MAST4: variants seen among roughly 807,000 people sequenced by gnomAD.
MAST4 encodes the protein microtubule associated serine/threonine kinase family member 4, also known as microtubule-associated serine/threonine-protein kinase 4.
In MAST4, 89 loss-of-function variants were observed where a neutral mutation model predicts 162.7. The ratio of observed to expected loss-of-function variants is 0.55; its 90% CI spans 0.46 to 0.65. The LOEUF (loss-of-function observed/expected upper bound fraction) is 0.65, where lower values mean the gene tolerates loss of function less well. Ranked by LOEUF, MAST4 falls within the 30% of genes least tolerant of loss-of-function variation. MAST4 has a pLI of 0.00. For synonymous variants in MAST4, 1,479 were observed against 1,361.1 expected (o/e 1.09, Z -1.91); for missense variants, 3,153 against 3,374.0 (o/e 0.93, Z 1.62).
intron 5 of MAST4, among the ~76,000 whole-genome samples, chr5:67,079,095 GT>G (rs957894557): frequency 4.7e-5 from 7 of 150,046 alleles, no homozygotes; most frequent in African/African-American, 1.7e-4. Flanking sequence ...AAGGACCAAA[GT>G]GAAAAGTGCA....
intron 4 of MAST4, among the ~76,000 whole-genome samples, chr5:67,014,481 A>G (rs77584431): frequency 4.4e-4 from 67 of 152,190 alleles, no homozygotes; most frequent in African/African-American, 1.5e-3. Flanking sequence ...ATAATTTCCT[A>G]TATGTTTTAG....
At chr5:67,057,791 C>G (rs1371385800) in intron 5 of MAST4, among the ~76,000 whole-genome samples, 1 of 151,886 alleles carries the variant, frequency 6.6e-6, no homozygotes, top group Non-Finnish European at 1.5e-5. Flanking sequence ...ATGTTTGTGC[C>G]CATGACTGAT....
At chr5:66,821,438 T>G (rs1344542166) in intron 3 of MAST4, among the ~76,000 whole-genome samples, 1 of 152,214 alleles carries the variant, frequency 6.6e-6, no homozygotes, top group African/African-American at 2.4e-5. Context: ...TATCTCCTGG[T>G]ACTTTAAATA....
intron 3 of MAST4, among the ~76,000 whole-genome samples, chr5:66,827,537 T>A (rs27637): frequency 0.47 from 72,158 of 152,004 alleles, 17,491 homozygotes; most frequent in East Asian, 0.68. Context: ...AGCAAGCGTA[T>A]TAGTGTGTTG....
intron 1 of MAST4, among the ~76,000 whole-genome samples, chr5:66,645,152 A>G (rs1051257541): frequency 1.3e-5 from 2 of 152,122 alleles, no homozygotes; most frequent in Admixed American, 1.3e-4. Context: ...TGCCCAGGCA[A>G]GATTAGAACC....
chr5:66,660,259 A>G (rs1201054514), intron 1 of MAST4, among the ~76,000 whole-genome samples: 3 of 152,144 alleles, frequency 2.0e-5, no homozygotes, highest in Admixed American at 6.5e-5. Flanking sequence ...ATGCTGGTGC[A>G]TGCCTGTAAT....
chr5:66,599,658 C>T (rs1209002699), intron 1 of MAST4, among the ~76,000 whole-genome samples: 1 of 152,198 alleles, frequency 6.6e-6, no homozygotes, highest in Non-Finnish European at 1.5e-5. Flanking sequence ...TATTTTATTG[C>T]TGCATAACTT....
intron 4 of MAST4, among the ~76,000 whole-genome samples, chr5:67,040,716 A>T (rs143809807): frequency 1.2e-3 from 184 of 152,350 alleles, no homozygotes; most frequent in Admixed American, 2.9e-3. Flanking sequence ...GTGGATTCCT[A>T]GTTACCAAGC....
Position 67,164,109 on chromosome 5 carries a change from A to G in MAST4, c.4930A>G (p.Thr1644Ala), listed in dbSNP as rs751115486. The G allele has an allele frequency of 8.2e-6, 13 of 1,585,084 alleles. No homozygotes were observed. Among genetic ancestry groups the G allele is most frequent in the African/African-American group, 8.1e-5 (6 of 74,308 alleles). The change falls in exon 29 of 29, where the codon ACC becomes GCC. Residue 1644 changes from threonine to alanine, a missense_variant. Around this residue, in one of 7 missense-constraint regions of MAST4, gnomAD observed 1,644 missense variants for 1,495.0 expected, o/e 1.10. Coordinates refer to ENST00000403625, the MANE Select transcript of MAST4 (RefSeq NM_001164664.2). This position sits in a 1 kb window ranked among gnomAD's most constrained non-coding sequence, Gnocchi z 5.3. ...CTTCAGACGGGCCCCCGCTCCTGGCACCCTCCAGGATGGTCTCTGCCACTC... is the reference window on the plus strand; with the variant it reads ...CTTCAGACGGGCCCCCGCTCCTGGCGCCCTCCAGGATGGTCTCTGCCACTC... ...GDFRRAPAPG[T>A]LQDGLCHSLD...
chr5:66,810,428 A>G (rs571791317), intron 3 of MAST4, among the ~76,000 whole-genome samples: 2 of 152,256 alleles, frequency 1.3e-5, no homozygotes, highest in African/African-American at 4.8e-5. Flanking sequence ...TGATTGGGAT[A>G]TGGGAGAAGG....
At chr5:66,640,465 G>A (rs1027440323) in intron 1 of MAST4, among the ~76,000 whole-genome samples, 4 of 152,020 alleles carry the variant, frequency 2.6e-5, no homozygotes, top group East Asian at 1.9e-4. Flanking sequence ...CCGCCTCCAC[G>A]CCTGGCTAAT....
At position 67,142,444 on chromosome 5, in the gene MAST4, A is replaced by G; in HGVS notation, c.2641A>G (p.Met881Val). Residue 881 changes from methionine to valine, a missense_variant, in exon 21 of 29, where the codon ATG becomes GTG. This residue lies in a region of MAST4 where 619 missense variants were observed against 744.2 expected (regional missense o/e 0.83). Transcript: ENST00000403625. ...AGCTCGGTCTGAGAAGTATCATCAT[A>G]TGGAAACGGAGGAAGAAGATGACAC... Reference protein sequence around the residue: ...FDTRSEKYHHMETEEEDDTND... With the variant: ...FDTRSEKYHHVETEEEDDTND... 6.2e-7 allele frequency: 1 copy of G among 1,600,368 alleles called. No individual in the cohort carries two copies. The highest frequency in any genetic ancestry group is 1.1e-5 in the South Asian group (1 of 88,282).
rs1366917389 is a variant in MAST4, at chr5:67,153,678, A to T, written c.3648+98A>T. ...TTTCCCTGTGTCACACCCATGTCTGATTACTGAGAAAGTATTCATTAGTCT... is the reference window on the plus strand; with the variant it reads ...TTTCCCTGTGTCACACCCATGTCTGTTTACTGAGAAAGTATTCATTAGTCT... On this transcript the variant is annotated intron_variant, in intron 26 of 28. Coordinates refer to ENST00000403625, the MANE Select transcript of MAST4 (RefSeq NM_001164664.2). The T allele has an allele frequency of 1.0e-5, 12 of 1,148,912 alleles. No individual in the cohort carries two copies. In the South Asian group the frequency reaches 1.6e-4, roughly 16 times the overall value. 71.2% of individuals were successfully genotyped at this position (1,148,912 alleles called of 1,614,324 possible).
chr5:67,161,163 C>A lies in MAST4; in HGVS notation c.3785+571C>A, dbSNP rs181107247. Among the ~76,000 whole-genome samples, 717 of 152,288 alleles carry A rather than the reference C, an allele frequency of 4.7e-3. 2 individuals carry two copies. Among genetic ancestry groups the A allele is most frequent in the Middle Eastern group, 0.017 (5 of 294 alleles). ...ACTAGCAAGAGGTATGTGTTTCTGG[C>A]AGGGCTGTTTCTTGCCAGGCAGCTC... On this transcript the variant is annotated intron_variant, in intron 27 of 28. Transcript: ENST00000403625.
chr5:67,157,732 A>G (rs570060606), intron 26 of MAST4, among the ~76,000 whole-genome samples: 3 of 151,886 alleles, frequency 2.0e-5, no homozygotes, highest in Non-Finnish European at 4.4e-5. Context: ...TTTCCACTGG[A>G]CTCTCAGTGA....
chr5:67,113,180 G>A (rs562230298), intron 11 of MAST4, among the ~76,000 whole-genome samples: 14 of 152,084 alleles, frequency 9.2e-5, no homozygotes, highest in Non-Finnish European at 5.9e-5. Context: ...CGGGCGTGGT[G>A]GTGGGCGCCT....
At chr5:66,995,732 A>G (rs1347393902) in intron 4 of MAST4, among the ~76,000 whole-genome samples, 7 of 152,048 alleles carry the variant, frequency 4.6e-5, no homozygotes, top group Admixed American at 6.5e-5. Context: ...CAACCTAGGC[A>G]TAGCACAGTG....
At chr5:66,972,393 T>G (rs543649452) in intron 4 of MAST4, among the ~76,000 whole-genome samples, 78 of 152,362 alleles carry the variant, frequency 5.1e-4, no homozygotes, top group Non-Finnish European at 8.1e-4. Context: ...ATACCCCACA[T>G]TGAGAAGAAC....
At chr5:66,726,207 T>A (rs1751507190) in intron 1 of MAST4, among the ~76,000 whole-genome samples, 1 of 151,964 alleles carries the variant, frequency 6.6e-6, no homozygotes, top group African/African-American at 2.4e-5. Context: ...GTTTAAGACT[T>A]GGAGGAGGTA....
Sources: allele counts gnomAD v4.1 joint callset (sites outside exome capture counted in the v4.1 genomes callset), GRCh38; gene constraint gnomAD v4.1.1; regional missense constraint gnomAD v4.1.1; non-coding constraint Gnocchi (gnomAD v3.1); transcripts MANE v1.5; gene names NCBI Gene and HGNC (gene_info 2026-07-23, HGNC 2026-07-21).